The following HHIPL1 variants were observed in gnomAD, a reference collection of about 807,000 sequenced individuals.
HHIPL1 encodes the protein HHIP-like protein 1.
Under a neutral mutation model 61.8 loss-of-function variants are expected in HHIPL1, and 43 were observed. That is an observed-to-expected ratio of 0.70 (90% CI 0.55 to 0.90). The LOEUF (loss-of-function observed/expected upper bound fraction) is 0.90. Among genes scored for constraint, HHIPL1 ranks in the 40% least tolerant of loss-of-function variants. The probability of loss-of-function intolerance (pLI) is 0.00; values close to 1 mark genes in which losing one functional copy is unlikely to be tolerated. For synonymous variants in HHIPL1, 482 were observed against 515.8 expected (o/e 0.93, Z 0.89); for missense variants, 1,056 against 1,157.7 (o/e 0.91, Z 1.28).
the HHIPL1 span, among the ~76,000 whole-genome samples, chr14:99,635,743 G>C: frequency 3.9e-5 from 6 of 152,176 alleles, no homozygotes; most frequent in Admixed American, 3.3e-4. Context: ...GCTCAGGAGG[G>C]ACATGGGGAG....
the HHIPL1 span, chr14:99,625,733 C>T: frequency 2.0e-5 from 3 of 152,168 alleles, no homozygotes; most frequent in African/African-American, 7.2e-5. Flanking sequence ...ATTAAACATT[C>T]AACCAGAGGC....
intron 1 of HHIPL1, among the ~76,000 whole-genome samples, chr14:99,649,863 G>T (rs1166872094): frequency 6.6e-6 from 1 of 152,260 alleles, no homozygotes; most frequent in African/African-American, 2.4e-5. Flanking sequence ...GAAGGCACGT[G>T]TGCACACAGC....
Position 99,660,128 on chromosome 14 carries a change from C to A in HHIPL1, c.1376-152C>A, listed in dbSNP as rs2056125479. On this transcript the variant is annotated intron_variant, in intron 4 of 8. Coordinates refer to ENST00000330710, the MANE Select transcript of HHIPL1 (RefSeq NM_001127258.3). The surrounding 1 kb of genome is among the most constrained non-coding windows in gnomAD (Gnocchi z 4.9). ...ACCCCTGCAGACACGCTTTCCACCACGCCAGCCCTGCTGTGGGCACGCCAG... is the reference window on the plus strand; with the variant it reads ...ACCCCTGCAGACACGCTTTCCACCAAGCCAGCCCTGCTGTGGGCACGCCAG... 7 of 649,222 alleles carry A rather than the reference C, an allele frequency of 1.1e-5. No individual in the cohort carries two copies. The highest frequency in any genetic ancestry group is 1.4e-5 in the Non-Finnish European group (6 of 441,230). 40.2% of individuals were successfully genotyped at this position (649,222 alleles called of 1,614,324 possible).
intron 2 of HHIPL1, among the ~76,000 whole-genome samples, chr14:99,654,188 C>CAAAAAAAAAAAAAA (rs754501639): frequency 3.3e-5 from 3 of 89,984 alleles, no homozygotes; most frequent in East Asian, 3.4e-4. Flanking sequence ...GACTCTGTCT[C>CAAAAAAAAAAAAAA]AAAAAAAAAA....
Position 99,652,593 on chromosome 14 carries a change from T to C in HHIPL1, c.625T>C (p.Phe209Leu). 1 of 1,613,274 alleles carries C rather than the reference T, an allele frequency of 6.2e-7. No individual in the cohort carries two copies. Among genetic ancestry groups the C allele is most frequent in the Non-Finnish European group, 8.5e-7 (1 of 1,179,840 alleles). The change falls in exon 2 of 9, where the codon TTC (phenylalanine) becomes CTC (leucine). Residue 209 changes from phenylalanine (F) to leucine (L), a missense_variant. Transcript: ENST00000330710. ...CCATGCCAGGGATGGCACCCACCGC[T>C]TCTTCGTGGCCGAGCAGGTGGGGCT... The part of the protein sequence containing the change: ...MVHARDGTHR[F>L]FVAEQVGLVW...
the HHIPL1 span, among the ~76,000 whole-genome samples, chr14:99,623,226 G>A: frequency 6.6e-6 from 1 of 152,146 alleles, no homozygotes. Context: ...GGGGTGTAAC[G>A]GTGCCTGGGA....
chr14:99,652,231 C>T lies in HHIPL1; in HGVS notation c.263C>T (p.Ser88Leu), dbSNP rs1298712430. 6.9e-6 allele frequency: 11 copies of T among 1,596,604 alleles called. No individual in the cohort carries two copies. The highest frequency in any genetic ancestry group is 1.7e-5 in the Admixed American group (1 of 59,330). Reference sequence around the variant, plus strand: ...CCATTACTGTCTCTGCAGGAATGCTCGCCGTATGCAGCCCACCTCTATGAC... The same window carrying T: ...CCATTACTGTCTCTGCAGGAATGCTTGCCGTATGCAGCCCACCTCTATGAC... ...YARDLLCQEC[S>L]PYAAHLYDAE... The change falls in exon 2 of 9, where the codon TCG becomes TTG. Residue 88 changes from serine to leucine, a missense_variant. By Grantham distance (145) the Ser-to-Leu change is moderately radical (BLOSUM62 -2). Transcript: ENST00000330710.
Position 99,659,573 on chromosome 14 carries a change from C to G in HHIPL1, c.1192C>G (p.Arg398Gly), listed in dbSNP as rs375546013. The stretch of plus-strand genomic sequence containing the variant: ...CGCCCTGGGCGTGCGCAACATGTGG[C>G]GCTGCTCCTTCGACCGTGGCGACCC... ...VYALGVRNMW[R>G]CSFDRGDPSS... The change falls in exon 4 of 9, where the codon CGC (arginine) becomes GGC (glycine). Residue 398 changes from arginine to glycine, a missense_variant. By Grantham distance (125) the Arg-to-Gly change is moderately radical (BLOSUM62 -2). Coordinates refer to ENST00000330710, the MANE Select transcript of HHIPL1 (RefSeq NM_001127258.3). The G allele has an allele frequency of 3.9e-6, 6 of 1,552,300 alleles. No homozygotes were observed. The highest frequency in any genetic ancestry group is 5.2e-6 in the Non-Finnish European group (6 of 1,152,274).
the HHIPL1 span, among the ~76,000 whole-genome samples, chr14:99,605,676 G>C: frequency 6.6e-6 from 1 of 152,274 alleles, no homozygotes; most frequent in South Asian, 2.1e-4. Flanking sequence ...CTTAAGTGCT[G>C]TGCGGGGCAT....
At chr14:99,611,380 A>C in the HHIPL1 span, among the ~76,000 whole-genome samples, 73 of 145,906 alleles carry the variant, frequency 5.0e-4, no homozygotes, top group Admixed American at 9.8e-4. Flanking sequence ...TGCAACCTCC[A>C]CCTCCTGGGT....
At chr14:99,653,734 C>G (rs1187745628) in intron 2 of HHIPL1, among the ~76,000 whole-genome samples, 3 of 152,212 alleles carry the variant, frequency 2.0e-5, no homozygotes, top group Admixed American at 1.3e-4. Context: ...AGAGCCTGCA[C>G]TCTGTGGATG....
rs925851021 is a variant in HHIPL1, at chr14:99,678,968, T to C, written c.*3342T>C. 6.6e-6 allele frequency: 1 copy of C among 152,258 alleles called. No homozygotes were observed. The highest frequency in any genetic ancestry group is 1.9e-4 in the East Asian group (1 of 5,204). 9.4% of individuals were successfully genotyped at this position (152,258 alleles called of 1,614,324 possible). On this transcript the variant is annotated 3_prime_UTR_variant, in exon 9 of 9. Coordinates refer to ENST00000330710, the MANE Select transcript of HHIPL1 (RefSeq NM_001127258.3). ...CAGCTGACCTCTGCTGAGCGCTTAC[T>C]ACATGCCAAGCACTGCTCTGAAAGT...
the HHIPL1 span, among the ~76,000 whole-genome samples, chr14:99,604,951 T>C: frequency 7.9e-5 from 12 of 152,252 alleles, no homozygotes; most frequent in African/African-American, 2.6e-4. Context: ...GCGGCGGGGC[T>C]GCGTCTCCAC....
chr14:99,635,123 G>A, the HHIPL1 span, among the ~76,000 whole-genome samples: 11 of 152,124 alleles, frequency 7.2e-5, no homozygotes, highest in Admixed American at 7.2e-4. Flanking sequence ...TCAACGAGCT[G>A]GAGGTAGAGT....
rs905505445 is a variant in HHIPL1, at chr14:99,675,157, G to A, written c.1880G>A (p.Arg627Gln). Reference sequence around the variant, plus strand: ...CGGGCGCCCACGCGGGCGCCCCGCCGAGGGCGCCCCACGGCCGCTCCCCCC... The same window carrying A: ...CGGGCGCCCACGCGGGCGCCCCGCCAAGGGCGCCCCACGGCCGCTCCCCCC... ...TARAPTRAPR[R>Q]GRPTAAPPAP... Residue 627 changes from arginine (R) to glutamine (Q), a missense_variant, in exon 9 of 9, where the codon CGA becomes CAA. Arg to Gln is a conservative substitution (Grantham distance 43). Transcript: ENST00000330710. This position sits in a 1 kb window ranked among gnomAD's most constrained non-coding sequence, Gnocchi z 5.4. 1 of 1,111,786 alleles carries A rather than the reference G, an allele frequency of 9.0e-7. No homozygotes were observed. The highest frequency in any genetic ancestry group is 1.1e-6 in the Non-Finnish European group (1 of 904,394). 68.9% of individuals were successfully genotyped at this position (1,111,786 alleles called of 1,614,324 possible).
Position 99,675,549 on chromosome 14 carries a change from A to G in HHIPL1, c.2272A>G (p.Asn758Asp), listed in dbSNP as rs2140098913. 2.6e-6 allele frequency: 4 copies of G among 1,539,786 alleles called. No individual in the cohort carries two copies. The highest frequency in any genetic ancestry group is 3.5e-6 in the Non-Finnish European group (4 of 1,146,050). Residue 758 changes from asparagine (N) to aspartate (D), a missense_variant, in exon 9 of 9, where the codon AAC (asparagine) becomes GAC (aspartate). Physicochemically the swap from Asn to Asp is conservative, Grantham distance 23 (BLOSUM62 1). Coordinates refer to ENST00000330710, the MANE Select transcript of HHIPL1 (RefSeq NM_001127258.3). This position sits in a 1 kb window ranked among gnomAD's most constrained non-coding sequence, Gnocchi z 5.4. ...WERNLLECQHNGVGTHNCEHD... is the reference protein window; with the variant it reads ...WERNLLECQHDGVGTHNCEHD... ...GCGGAACCTGCTGGAGTGCCAGCAC[A>G]ACGGCGTGGGCACCCACAACTGCGA...
chr14:99,604,696 C>T, the HHIPL1 span: 6 of 151,996 alleles, frequency 3.9e-5, no homozygotes, highest in African/African-American at 4.8e-5. Flanking sequence ...AGCAGTCGAG[C>T]CCCCTCCCCG....
chr14:99,610,256 T>G, the HHIPL1 span, among the ~76,000 whole-genome samples: 1 of 152,182 alleles, frequency 6.6e-6, no homozygotes, highest in African/African-American at 2.4e-5. Flanking sequence ...ATTATTCTTA[T>G]GGTGAACTGG....
At position 99,675,048 on chromosome 14, in the gene HHIPL1, G is replaced by T; in HGVS notation, c.1814-43G>T. ...CAGGGTGGGCAGCAGGGCTGGACAG[G>T]GGCGCCTGGGTCCCTCTGACGGCAT... is the stretch of plus-strand genomic sequence containing the variant. On this transcript the variant is annotated intron_variant, in intron 8 of 8. Transcript: ENST00000330710. This position sits in a 1 kb window ranked among gnomAD's most constrained non-coding sequence, Gnocchi z 5.4. The T allele has an allele frequency of 9.2e-7, 1 of 1,082,384 alleles. No individual in the cohort carries two copies. Among genetic ancestry groups the T allele is most frequent in the Non-Finnish European group, 1.1e-6 (1 of 874,410 alleles). 67.0% of individuals were successfully genotyped at this position (1,082,384 alleles called of 1,614,324 possible).
Sources: gnomAD v4.1 joint callset for allele counts (sites outside exome capture counted in the v4.1 genomes callset) on GRCh38, gnomAD v4.1.1 for gene constraint, Gnocchi (gnomAD v3.1) non-coding constraint, MANE v1.5 for transcripts, NCBI Gene and HGNC (gene_info 2026-07-23, HGNC 2026-07-21) for gene names.